CCDC149: variants seen among roughly 807,000 people sequenced by gnomAD.
The protein encoded by CCDC149 is coiled-coil domain containing 149.
In CCDC149, 45 loss-of-function variants were observed where a neutral mutation model predicts 59.9. The ratio of observed to expected loss-of-function variants is 0.75; its 90% CI spans 0.59 to 0.96. The LOEUF (loss-of-function observed/expected upper bound fraction) is 0.96. Among genes scored for constraint, CCDC149 ranks in the 40% least tolerant of loss-of-function variants. The pLI, the probability that CCDC149 is intolerant of heterozygous loss-of-function variation, is 0.00. For synonymous variants in CCDC149, 245 were observed against 260.6 expected, an observed-to-expected ratio of 0.94 and a Z score of 0.58; for missense variants, 584 against 664.7, an observed-to-expected ratio of 0.88 and a Z score of 1.33.
intron 4 of CCDC149, among the ~76,000 whole-genome samples, chr4:24,847,549 A>C (rs1717381949): frequency 6.6e-6 from 1 of 152,168 alleles, no homozygotes; most frequent in Non-Finnish European, 1.5e-5. Flanking sequence ...GTGTCCTCAG[A>C]TGCTAGAAAG....
At chr4:24,917,792 A>G (rs1722173406), upstream of CCDC149, among the ~76,000 whole-genome samples, 1 of 152,134 alleles carries the variant, frequency 6.6e-6, no homozygotes, top group Non-Finnish European at 1.5e-5. Flanking sequence ...TGTTGTACTT[A>G]TTGATAATGT....
intron 1 of CCDC149, chr4:24,895,033 TGAC>T (rs759943007): frequency 3.0e-5 from 46 of 1,510,238 alleles, no homozygotes; most frequent in South Asian, 4.9e-5. Context: ...ATGATGATGA[TGAC>T]GACGACGATG....
chr4:24,906,380 A>AT (rs1246311625), intron 1 of CCDC149, among the ~76,000 whole-genome samples: 1 of 27,076 alleles, frequency 3.7e-5, no homozygotes, highest in African/African-American at 7.3e-5. Flanking sequence ...ATTTTATTTT[A>AT]TTTTATTTTA....
intron 9 of CCDC149, 136 bp from the exon 10 acceptor site, chr4:24,822,709 G>C (rs900334660): frequency 1.8e-6 from 1 of 545,060 alleles, no homozygotes; most frequent in Non-Finnish European, 3.3e-6. Context: ...TTGTATGTAT[G>C]TGTGTGTAAA....
intron 1 of CCDC149, among the ~76,000 whole-genome samples, chr4:24,897,234 C>T (rs111426534): frequency 1.6e-4 from 24 of 152,192 alleles, no homozygotes; most frequent in South Asian, 6.2e-4. Context: ...GCAGAAGGCA[C>T]GGCCTGATCA....
At chr4:24,944,331 T>C (rs1723040733) in intron 1 of CCDC149, among the ~76,000 whole-genome samples, 2 of 150,154 alleles carry the variant, frequency 1.3e-5, no homozygotes, top group Non-Finnish European at 2.9e-5. Context: ...TTCTCACTTA[T>C]AGGTGGGAAT....
intron 1 of CCDC149, among the ~76,000 whole-genome samples, chr4:24,938,096 A>T (rs2109346255): frequency 6.6e-6 from 1 of 152,304 alleles, no homozygotes; most frequent in South Asian, 2.1e-4. Flanking sequence ...TAGTTTAATC[A>T]GGGTGAAATT....
intron 3 of CCDC149, among the ~76,000 whole-genome samples, chr4:24,859,425 T>C (rs1718235652): frequency 6.6e-6 from 1 of 152,096 alleles, no homozygotes; most frequent in Non-Finnish European, 1.5e-5. Flanking sequence ...CTCAGCAAAA[T>C]CTGCATGGAA....
intron 1 of CCDC149, among the ~76,000 whole-genome samples, chr4:24,931,853 G>A (rs868359324): frequency 1.4e-3 from 31 of 22,218 alleles, no homozygotes; most frequent in African/African-American, 2.4e-3. Flanking sequence ...ATATATATAT[G>A]CATAATCCAT....
rs537259536 is a variant in CCDC149, at chr4:24,952,223, C to T, written c.-65+27846G>A. ...CCTCAAACCTTCGGCTTTGTTTATA[C>T]ATATGTGTATTCTATTATTAATGGT... On this transcript the variant is annotated intron_variant, in intron 1 of 12. Transcript: ENST00000389609. Among the ~76,000 whole-genome samples the T allele has an allele frequency of 3.5e-4, 53 of 152,234 alleles. 1 individual carries two copies. The South Asian group carries it at 0.011, about 30-fold the overall frequency.
Position 24,838,243 on chromosome 4 carries a change from C to T in CCDC149, c.402G>A (p.Arg134=), listed in dbSNP as rs1250796691. The change falls in exon 5 of 13, where the codon AGG becomes AGA. Residue 134 remains arginine, a synonymous_variant. Coordinates refer to ENST00000635206, the MANE Select transcript of CCDC149 (RefSeq NM_001330643.2). ...GCACGCCGATTGCTTCGTCTCCGAG[C>T]CTTTGTTTGGCAATCGTCATCCTCA... 6.2e-7 allele frequency: 1 copy of T among 1,614,132 alleles called. No individual in the cohort carries two copies. The highest frequency in any genetic ancestry group is 1.7e-5 in the Admixed American group (1 of 60,034).
At chr4:24,811,020 T>C (rs528597906) in intron 12 of CCDC149, among the ~76,000 whole-genome samples, 6 of 152,318 alleles carry the variant, frequency 3.9e-5, no homozygotes, top group African/African-American at 1.4e-4. Context: ...CAGGGGATTA[T>C]GTATACAGAT....
intron 1 of CCDC149, among the ~76,000 whole-genome samples, chr4:24,975,535 G>A (rs996766995): frequency 6.9e-6 from 1 of 144,426 alleles, no homozygotes; most frequent in African/African-American, 2.6e-5. Flanking sequence ...ATAGGGAAGG[G>A]AAGGAGAGAA....
chr4:24,960,566 G>A (rs1723609756), intron 1 of CCDC149, among the ~76,000 whole-genome samples: 1 of 152,150 alleles, frequency 6.6e-6, no homozygotes, highest in Non-Finnish European at 1.5e-5. Flanking sequence ...ATGGGAAAAT[G>A]TATGCCATGT....
At chr4:24,842,554 T>C (rs1295257845) in intron 4 of CCDC149, among the ~76,000 whole-genome samples, 2 of 152,330 alleles carry the variant, frequency 1.3e-5, no homozygotes, top group East Asian at 3.8e-4. Flanking sequence ...CCGCCACCAA[T>C]AGACGCATTC....
chr4:24,913,723 C>A (rs1021032298), upstream of CCDC149, among the ~76,000 whole-genome samples: 1 of 152,176 alleles, frequency 6.6e-6, no homozygotes, highest in Admixed American at 6.5e-5. Context: ...GCAGGAGGAT[C>A]CCTTGAGGAC....
upstream of CCDC149, among the ~76,000 whole-genome samples, chr4:24,913,698 C>A (rs1452749405): frequency 6.6e-6 from 1 of 152,164 alleles, no homozygotes; most frequent in African/African-American, 2.4e-5. Flanking sequence ...AATCCCAGCA[C>A]CTTGGGAGGC....
chr4:24,979,649 G>A (rs1724378950), intron 1 of CCDC149, among the ~76,000 whole-genome samples: 2 of 152,186 alleles, frequency 1.3e-5, no homozygotes, highest in African/African-American at 4.8e-5. Context: ...TTCAAAATCA[G>A]GAAACAGGGC....
intron 1 of CCDC149, among the ~76,000 whole-genome samples, chr4:24,927,845 T>C (rs955145238): frequency 3.9e-5 from 6 of 151,996 alleles, no homozygotes; most frequent in African/African-American, 1.5e-4. Flanking sequence ...TTACAGGGGA[T>C]ATATATATGC....
Sources: gnomAD v4.1 joint callset for allele counts (sites outside exome capture counted in the v4.1 genomes callset) on GRCh38, gnomAD v4.1.1 for gene constraint, MANE v1.5 for transcripts, NCBI Gene and HGNC (gene_info 2026-07-23, HGNC 2026-07-21) for gene names.